Variants in RBFOX1 observed in about 807,000 individuals in gnomAD.
RBFOX1 encodes the protein RNA binding fox-1 homolog 1, also known as RNA binding protein fox-1 homolog 1.
Under a neutral mutation model 57.7 loss-of-function variants are expected in RBFOX1, and 8 were observed. The ratio of observed to expected loss-of-function variants is 0.14; its 90% CI spans 0.08 to 0.25. RBFOX1 has a LOEUF of 0.25. Ranked by LOEUF, RBFOX1 falls within the 10% of genes least tolerant of loss-of-function variation. The pLI, the probability that RBFOX1 is intolerant of heterozygous loss-of-function variation, is 1.00. For missense variants in RBFOX1, 611 were observed against 548.5 expected (o/e 1.11, Z -1.14); for synonymous variants, 326 against 222.4 (o/e 1.47, Z -4.15).
intron 3 of RBFOX1, among the ~76,000 whole-genome samples, chr16:5,787,809 A>T (rs117814028): frequency 6.6e-6 from 1 of 152,222 alleles, no homozygotes; most frequent in South Asian, 2.1e-4. Flanking sequence ...TGTAAAGGGC[A>T]CACGTTGACA....
chr16:6,494,438 T>A (rs1033100815), intron 2 of RBFOX1, among the ~76,000 whole-genome samples: 2 of 152,192 alleles, frequency 1.3e-5, no homozygotes, highest in African/African-American at 4.8e-5. Flanking sequence ...ACTTTGTTAT[T>A]TCAAAAATGG....
At position 6,177,838 on chromosome 16, in the gene RBFOX1, C is replaced by G. The variant is rs935517298; in HGVS notation, c.-126-139157C>G. Among the ~76,000 whole-genome samples, 4 of 150,796 alleles carry G rather than the reference C, an allele frequency of 2.7e-5. No individual in the cohort carries two copies. In the South Asian group the frequency reaches 8.3e-4, roughly 31 times the overall value. Reference sequence around the variant, plus strand: ...AAAATTGATTGTGCGGCTCCAGTTGCTAGAGCCACGGGGATTTGAGACCAC... The same window carrying G: ...AAAATTGATTGTGCGGCTCCAGTTGGTAGAGCCACGGGGATTTGAGACCAC... On this transcript the variant is annotated intron_variant, in intron 1 of 15. Coordinates refer to ENST00000550418, the MANE Select transcript of RBFOX1 (RefSeq NM_018723.4).
At chr16:5,769,201 C>T (rs2053893310) in intron 3 of RBFOX1, among the ~76,000 whole-genome samples, 1 of 151,970 alleles carries the variant, frequency 6.6e-6, no homozygotes, top group Non-Finnish European at 1.5e-5. Context: ...AAATTATGTC[C>T]CCTCAAAATT....
rs1027522569 is a variant in RBFOX1 at position 6,825,147 on chromosome 16, T to G, written c.-16+170497T>G. On this transcript the variant is annotated intron_variant, in intron 3 of 15. Coordinates refer to ENST00000550418, the MANE Select transcript of RBFOX1 (RefSeq NM_018723.4). ...AAGTAGCTAGGATTAACAACCTCAC[T>G]CAGCACCCTTGGCGTTGCTGGTCAG... Among the ~76,000 whole-genome samples the G allele has an allele frequency of 9.9e-5, 15 of 151,094 alleles. 1 individual carries two copies. The highest frequency in any genetic ancestry group is 1.7e-4 in the African/African-American group (7 of 41,136).
At chr16:5,735,844 C>G (rs1376111327) in intron 3 of RBFOX1, among the ~76,000 whole-genome samples, 1 of 152,048 alleles carries the variant, frequency 6.6e-6, no homozygotes, top group Admixed American at 6.5e-5. Flanking sequence ...CCACTGCACT[C>G]CAGCCTTGGT....
rs538424023 is a variant in RBFOX1 at position 6,994,492 on chromosome 16, T to C, written c.-15-57565T>C. 9.2e-5 allele frequency among the ~76,000 whole-genome samples: 14 copies of C among 152,290 alleles called. No homozygotes were observed. The South Asian group carries it at 2.9e-3, about 32-fold the overall frequency. On this transcript the variant is annotated intron_variant, in intron 3 of 15. Transcript: ENST00000550418. The stretch of plus-strand genomic sequence containing the variant: ...AAGAACTGTTAGGAAACTTCACAGT[T>C]TTTAGGTAAACAACAAGTGACCGAT...
intron 1 of RBFOX1, among the ~76,000 whole-genome samples, chr16:5,347,707 C>T (rs1343857404): frequency 6.6e-6 from 1 of 150,678 alleles, no homozygotes; most frequent in Non-Finnish European, 1.5e-5. Context: ...CTTCCACCCA[C>T]CCATCCATCC....
At chr16:6,840,219 G>A (rs1253030888) in intron 3 of RBFOX1, among the ~76,000 whole-genome samples, 2 of 152,114 alleles carry the variant, frequency 1.3e-5, no homozygotes, top group African/African-American at 2.4e-5. Flanking sequence ...CTAAAAAGAG[G>A]TCTTTCTTTC....
At chr16:5,997,379 A>G (rs577817536) in intron 4 of RBFOX1, among the ~76,000 whole-genome samples, 1 of 152,344 alleles carries the variant, frequency 6.6e-6, no homozygotes, top group African/African-American at 2.4e-5. Flanking sequence ...TGAGTCTGAA[A>G]GCATCATGAA....
At chr16:7,046,898 G>T (rs1259558775) in intron 3 of RBFOX1, among the ~76,000 whole-genome samples, 1 of 151,900 alleles carries the variant, frequency 6.6e-6, no homozygotes, top group Non-Finnish European at 1.5e-5. Flanking sequence ...GAGCCCCTGC[G>T]CCTGGCCTAT....
intron 1 of RBFOX1, among the ~76,000 whole-genome samples, chr16:6,206,274 C>G (rs1034847135): frequency 6.6e-6 from 1 of 152,014 alleles, no homozygotes; most frequent in Non-Finnish European, 1.5e-5. Context: ...TGTGCTGTTC[C>G]TGTTACCTGG....
rs575293438 is a variant in RBFOX1, at chr16:7,370,468, G to T, written c.28-147679G>T. 2.6e-5 allele frequency among the ~76,000 whole-genome samples: 4 copies of T among 152,254 alleles called. 1 individual carries two copies. Among genetic ancestry groups the T allele is most frequent in the Non-Finnish European group, 2.9e-5 (2 of 67,994 alleles). On this transcript the variant is annotated intron_variant, in intron 4 of 15. Coordinates refer to ENST00000550418, the MANE Select transcript of RBFOX1 (RefSeq NM_018723.4). Reference sequence around the variant, plus strand: ...GTATTTGTCAATCAAAGCGATCTTTGTTTTTTATCAACGCGGGTAAGTTCT... The same window carrying T: ...GTATTTGTCAATCAAAGCGATCTTTTTTTTTTATCAACGCGGGTAAGTTCT...
intron 4 of RBFOX1, among the ~76,000 whole-genome samples, chr16:7,074,592 C>T (rs952749435): frequency 6.6e-6 from 1 of 151,942 alleles, no homozygotes; most frequent in Non-Finnish European, 1.5e-5. Flanking sequence ...AAATATCAAG[C>T]ATTTAAATAC....
chr16:7,320,832 C>G (rs572843530), intron 4 of RBFOX1, among the ~76,000 whole-genome samples: 206 of 152,294 alleles, frequency 1.4e-3, no homozygotes, highest in African/African-American at 4.5e-3. Flanking sequence ...CACAACAACC[C>G]TGTAAGGGGA....
intron 2 of RBFOX1, among the ~76,000 whole-genome samples, chr16:6,460,509 C>T (rs2094892581): frequency 6.6e-6 from 1 of 151,174 alleles, no homozygotes; most frequent in African/African-American, 2.4e-5. Flanking sequence ...TCAACATCAG[C>T]GATCATTAGA....
At chr16:7,184,079 G>C (rs2152541680) in intron 4 of RBFOX1, among the ~76,000 whole-genome samples, 1 of 152,268 alleles carries the variant, frequency 6.6e-6, no homozygotes, top group East Asian at 1.9e-4. Context: ...AGGCAGGATT[G>C]GTGAGAAGAG....
chr16:7,388,780 T>C (rs924868962), intron 4 of RBFOX1, among the ~76,000 whole-genome samples: 1 of 151,720 alleles, frequency 6.6e-6, no homozygotes, highest in African/African-American at 2.4e-5. Context: ...GTTAGATGAG[T>C]TTGTCCAAAT....
chr16:6,851,138 C>G (rs139713070), intron 3 of RBFOX1, among the ~76,000 whole-genome samples: 25 of 152,296 alleles, frequency 1.6e-4, no homozygotes, highest in African/African-American at 4.8e-4. Context: ...AAGCCCATTT[C>G]TAAATCATTT....
chr16:5,900,750 G>T (rs2058286661), intron 4 of RBFOX1, among the ~76,000 whole-genome samples: 1 of 152,134 alleles, frequency 6.6e-6, no homozygotes, highest in Non-Finnish European at 1.5e-5. Context: ...ATGAGAGGAG[G>T]GGATGGTGCC....
Sources: allele counts gnomAD v4.1 joint callset (sites outside exome capture counted in the v4.1 genomes callset), GRCh38; gene constraint gnomAD v4.1.1; transcripts MANE v1.5; gene names NCBI Gene and HGNC (gene_info 2026-07-23, HGNC 2026-07-21).